Variants in KLHL1 observed in about 807,000 individuals in gnomAD.
KLHL1 encodes the protein kelch like family member 1.
KLHL1 carries 47 observed loss-of-function variants against 77.7 expected under a neutral mutation model. That is an observed-to-expected ratio of 0.60 (90% CI 0.48 to 0.77). The LOEUF (loss-of-function observed/expected upper bound fraction) is 0.77. Among genes scored for constraint, KLHL1 ranks in the 30% least tolerant of loss-of-function variants. KLHL1 has a pLI of 0.00. For synonymous variants in KLHL1, 360 were observed against 325.2 expected, an observed-to-expected ratio of 1.11 and a Z score of -1.15; for missense variants, 925 against 910.8, an observed-to-expected ratio of 1.02 and a Z score of -0.20.
chr13:70,052,003 C>T (rs1886641173), intron 1 of KLHL1, among the ~76,000 whole-genome samples: 1 of 149,114 alleles, frequency 6.7e-6, no homozygotes, highest in Admixed American at 6.7e-5. Flanking sequence ...ATTTCTTATT[C>T]TTAAATACGA....
chr13:69,814,322 G>T (rs1878028156), intron 6 of KLHL1, among the ~76,000 whole-genome samples: 1 of 152,018 alleles, frequency 6.6e-6, no homozygotes, highest in South Asian at 2.1e-4. Flanking sequence ...CACTCTTCTA[G>T]ACATTTGCCA....
At chr13:69,815,783 G>T (rs1199319408) in intron 6 of KLHL1, among the ~76,000 whole-genome samples, 1 of 151,968 alleles carries the variant, frequency 6.6e-6, no homozygotes, top group African/African-American at 2.4e-5. Context: ...GGTGGCCCAA[G>T]ATGAAAGATT....
chr13:69,822,908 C>T (rs56105976), intron 6 of KLHL1, among the ~76,000 whole-genome samples: 14,531 of 152,082 alleles, frequency 0.096, 1,412 homozygotes, highest in African/African-American at 0.25. Context: ...TTAAAATATA[C>T]ATGTGCAATT....
chr13:69,818,568 C>T (rs1878215975), intron 6 of KLHL1, among the ~76,000 whole-genome samples: 1 of 152,094 alleles, frequency 6.6e-6, no homozygotes, highest in South Asian at 2.1e-4. Context: ...GATATCCTGT[C>T]TTAACTTAGT....
intron 4 of KLHL1, among the ~76,000 whole-genome samples, chr13:69,892,713 G>T (rs966502367): frequency 2.0e-5 from 3 of 152,172 alleles, no homozygotes; most frequent in Non-Finnish European, 4.4e-5. Context: ...CTTCGGGAAA[G>T]CCTGTTATAT....
At chr13:69,980,541 C>A (rs1884676106) in intron 1 of KLHL1, among the ~76,000 whole-genome samples, 1 of 152,130 alleles carries the variant, frequency 6.6e-6, no homozygotes, top group Admixed American at 6.5e-5. Flanking sequence ...TTTCTTCTAT[C>A]GCATTCCACA....
chr13:69,951,775 C>G (rs1319500259), intron 3 of KLHL1, among the ~76,000 whole-genome samples: 1 of 151,378 alleles, frequency 6.6e-6, no homozygotes, highest in Non-Finnish European at 1.5e-5. Context: ...TTAAAGATCA[C>G]CACTTTTATT....
chr13:69,837,110 C>T (rs1879026199), intron 6 of KLHL1, among the ~76,000 whole-genome samples: 1 of 151,694 alleles, frequency 6.6e-6, no homozygotes, highest in Admixed American at 6.6e-5. Context: ...CTCTGTATAA[C>T]TTGGTAATAT....
chr13:69,739,862 A>G (rs1039926190), intron 8 of KLHL1, among the ~76,000 whole-genome samples: 4 of 152,168 alleles, frequency 2.6e-5, no homozygotes, highest in African/African-American at 7.2e-5. Flanking sequence ...ATAGTAGACA[A>G]TATCTGGAGA....
chr13:69,989,519 G>T (rs956322681), intron 1 of KLHL1, among the ~76,000 whole-genome samples: 1 of 151,846 alleles, frequency 6.6e-6, no homozygotes, highest in Non-Finnish European at 1.5e-5. Context: ...AGTTTGATGG[G>T]AATAGCATTG....
At chr13:69,987,118 A>G (rs1345931677) in intron 1 of KLHL1, among the ~76,000 whole-genome samples, 3 of 152,046 alleles carry the variant, frequency 2.0e-5, no homozygotes, top group Admixed American at 2.0e-4. Context: ...AAAATACCTT[A>G]ATGTTTGCCA....
At chr13:69,974,437 T>TA (rs907040745) in intron 2 of KLHL1, among the ~76,000 whole-genome samples, 1 of 151,408 alleles carries the variant, frequency 6.6e-6, no homozygotes, top group African/African-American at 2.4e-5. Flanking sequence ...TAAACAGTAA[T>TA]AAAGAAAACA....
chr13:69,931,571 C>T (rs1050426078), intron 4 of KLHL1, among the ~76,000 whole-genome samples: 4 of 151,708 alleles, frequency 2.6e-5, no homozygotes, highest in African/African-American at 9.7e-5. Flanking sequence ...ATATAATCTT[C>T]AATCATAGGA....
Position 69,701,580 on chromosome 13 carries a change from G to A in KLHL1, c.*122C>T. The stretch of plus-strand genomic sequence containing the variant: ...CTACTAACTCTTTCAACATCAGTAG[G>A]TAACGCTACAGAGATCCTTGTTCTT... On this transcript the variant is annotated 3_prime_UTR_variant, in exon 11 of 11. Coordinates refer to ENST00000377844, the MANE Select transcript of KLHL1 (RefSeq NM_020866.3). The A allele has an allele frequency of 1.5e-6, 1 of 673,934 alleles. No homozygotes were observed. The allele number at this position is 673,934 out of a possible 1,614,324, so 41.7% of individuals were successfully genotyped here.
At chr13:69,772,777 C>T (rs9572270) in intron 7 of KLHL1, among the ~76,000 whole-genome samples, 35,842 of 151,942 alleles carry the variant, frequency 0.24, 4,299 homozygotes, top group South Asian at 0.31. Context: ...GAATAAAGTG[C>T]CTTAAAAAGA....
In KLHL1 at chr13:69,940,215, T is replaced by G; in HGVS notation, c.839A>C (p.Asp280Ala). ...TGCAGCAAGAAGGTTCTCAATGGTG[T>G]CCTCTTTTAATTCCAAGCAGCCTAA... Reference protein sequence around the residue: ...AYTGCLELKEDTIENLLAAAC... With the variant: ...AYTGCLELKEATIENLLAAAC... The change falls in exon 4 of 11, where the codon GAC becomes GCC. Residue 280 changes from aspartate (D) to alanine (A), a missense_variant. Transcript: ENST00000377844. 6.2e-7 allele frequency: 1 copy of G among 1,607,714 alleles called. No homozygotes were observed. The highest frequency in any genetic ancestry group is 8.5e-7 in the Non-Finnish European group (1 of 1,178,022).
chr13:69,894,863 C>A (rs1432185007), intron 4 of KLHL1: 1 of 278,010 alleles, frequency 3.6e-6, no homozygotes, highest in South Asian at 4.2e-5. Flanking sequence ...ACCTTTCCCA[C>A]CTTCTTCACC....
intron 5 of KLHL1, among the ~76,000 whole-genome samples, chr13:69,855,733 C>T (rs1034202444): frequency 6.6e-6 from 1 of 151,098 alleles, no homozygotes; most frequent in Admixed American, 6.6e-5. Flanking sequence ...CATGCCGAAC[C>T]GTGAGTCAAT....
chr13:69,777,149 G>C (rs1875872931), intron 7 of KLHL1, among the ~76,000 whole-genome samples: 1 of 151,808 alleles, frequency 6.6e-6, no homozygotes, highest in Non-Finnish European at 1.5e-5. Context: ...ATGCTCTCTT[G>C]TCTGCCATCA....
Sources: gnomAD v4.1 joint callset for allele counts (sites outside exome capture counted in the v4.1 genomes callset) on GRCh38, gnomAD v4.1.1 for gene constraint, MANE v1.5 for transcripts, NCBI Gene and HGNC (gene_info 2026-07-23, HGNC 2026-07-21) for gene names.